Variants in PAX7 observed in about 807,000 individuals in gnomAD.
The protein encoded by PAX7 is paired box 7.
PAX7 carries 18 observed loss-of-function variants against 50.7 expected under a neutral mutation model. The observed-to-expected ratio is 0.36, with a 90% CI of 0.25 to 0.53. The LOEUF (loss-of-function observed/expected upper bound fraction) is 0.53, where lower values mean the gene tolerates loss of function less well. Ranked by LOEUF, PAX7 falls within the 20% of genes least tolerant of loss-of-function variation. PAX7 has a pLI of 0.93. For missense variants in PAX7, 644 were observed against 702.9 expected, an observed-to-expected ratio of 0.92 and a Z score of 0.95; for synonymous variants, 310 against 290.4, an observed-to-expected ratio of 1.07 and a Z score of -0.69.
rs140557396 is a variant in PAX7 at position 18,633,950 on chromosome 1, G to A, written c.86-353G>A. On this transcript the variant is annotated intron_variant, in intron 1 of 8. Transcript: ENST00000420770. Reference sequence around the variant, plus strand: ...TCTCTAAGGCTCTACCAGCCTGGTGGCTCTGTCTGCAGTCTCATCTTCATC... The same window carrying A: ...TCTCTAAGGCTCTACCAGCCTGGTGACTCTGTCTGCAGTCTCATCTTCATC... Among the ~76,000 whole-genome samples, 442 of 152,284 alleles carry A rather than the reference G, an allele frequency of 2.9e-3. 2 individuals carry two copies. The highest frequency in any genetic ancestry group is 0.01 in the African/African-American group (421 of 41,560).
intron 4 of PAX7, among the ~76,000 whole-genome samples, chr1:18,644,002 C>T (rs2088301049): frequency 6.6e-6 from 1 of 152,206 alleles, no homozygotes; most frequent in Admixed American, 6.5e-5. Context: ...GGCTTCACTG[C>T]CCGGAGAGTG....
At chr1:18,733,623 G>A (rs1304116231) in intron 7 of PAX7, among the ~76,000 whole-genome samples, 1 of 152,102 alleles carries the variant, frequency 6.6e-6, no homozygotes, top group Admixed American at 6.5e-5. Flanking sequence ...CTGAGGGCAT[G>A]GGGGAAAGAA....
intron 4 of PAX7, among the ~76,000 whole-genome samples, chr1:18,690,195 GTGAA>G (rs2089046859): frequency 6.6e-6 from 1 of 152,200 alleles, no homozygotes. Flanking sequence ...AGGGGAAGGA[GTGAA>G]TGAGTCAATG....
intron 4 of PAX7, among the ~76,000 whole-genome samples, chr1:18,661,751 G>T (rs909500488): frequency 2.0e-5 from 3 of 152,222 alleles, no homozygotes; most frequent in Admixed American, 1.3e-4. Context: ...AACTGGGCCT[G>T]GCCTTTGAAG....
intron 7 of PAX7, among the ~76,000 whole-genome samples, chr1:18,731,630 C>T (rs954928293): frequency 2.0e-5 from 3 of 152,064 alleles, no homozygotes; most frequent in African/African-American, 7.3e-5. Context: ...GGGTCCTGTC[C>T]CATTAGCTTA....
Position 18,703,255 on chromosome 1 carries a change from T to G in PAX7, c.1114T>G (p.Ser372Ala), listed in dbSNP as rs1483793749. The G allele has an allele frequency of 1.7e-5, 27 of 1,613,998 alleles. No individual in the cohort carries two copies. The highest frequency in any genetic ancestry group is 2.3e-5 in the Non-Finnish European group (27 of 1,180,038). The stretch of plus-strand genomic sequence containing the variant: ...CAGCTTCATGAATCCGGCGGCGCCC[T>G]CCAACCACATGAACCCGGTCAGCAA... ...SDSFMNPAAP[S>A]NHMNPVSNGL... Residue 372 changes from serine to alanine, a missense_variant, in exon 7 of 9, where the codon TCC becomes GCC. Transcript: ENST00000420770.
chr1:18,712,927 C>T (rs186904028), intron 7 of PAX7, among the ~76,000 whole-genome samples: 60 of 152,162 alleles, frequency 3.9e-4, no homozygotes, highest in African/African-American at 1.4e-3. Context: ...ACTAAAAATA[C>T]AAAAATTAAC....
chr1:18,710,798 T>C (rs962157857), intron 7 of PAX7, among the ~76,000 whole-genome samples: 5 of 152,120 alleles, frequency 3.3e-5, no homozygotes, highest in Admixed American at 6.5e-5. Context: ...TCAAAGCAGA[T>C]TGGGGACATC....
intron 4 of PAX7, among the ~76,000 whole-genome samples, chr1:18,676,486 G>A (rs961104409): frequency 6.6e-6 from 1 of 151,196 alleles, no homozygotes; most frequent in African/African-American, 2.4e-5. Context: ...GCCCATGAGT[G>A]GCTGGGGGAG....
chr1:18,682,287 T>C (rs573837065), intron 4 of PAX7, among the ~76,000 whole-genome samples: 1 of 152,210 alleles, frequency 6.6e-6, no homozygotes, highest in East Asian at 1.9e-4. Flanking sequence ...CAATGCTTCC[T>C]AGCCCCCAGG....
chr1:18,727,998 T>C (rs755235695), intron 7 of PAX7, among the ~76,000 whole-genome samples: 62 of 149,294 alleles, frequency 4.2e-4, no homozygotes, highest in African/African-American at 1.5e-3. Flanking sequence ...ATCCTCTTAG[T>C]GGAGTATTGA....
In PAX7 at chr1:18,735,284, G is replaced by A. The variant is rs573072693; in HGVS notation, c.1156-348G>A. Among the ~76,000 whole-genome samples the A allele has an allele frequency of 1.1e-4, 16 of 152,310 alleles. No homozygotes were observed. In the South Asian group the frequency reaches 3.3e-3, roughly 32 times the overall value. On this transcript the variant is annotated intron_variant, in intron 7 of 8. Coordinates refer to ENST00000420770, the MANE Select transcript of PAX7 (RefSeq NM_001135254.2). This position sits in a 1 kb window ranked among gnomAD's most constrained non-coding sequence, Gnocchi z 4.0. The stretch of plus-strand genomic sequence containing the variant: ...TGGGAGAGGCCTCATTAGCCAGTTC[G>A]TTCATTCATGCATTCATTCATGCAT...
chr1:18,648,984 G>A (rs1045125682), intron 4 of PAX7, among the ~76,000 whole-genome samples: 4 of 152,144 alleles, frequency 2.6e-5, no homozygotes, highest in African/African-American at 7.2e-5. Context: ...CCAGACTCCC[G>A]CCACTGATGC....
chr1:18,717,657 G>A (rs1201739926), intron 7 of PAX7, among the ~76,000 whole-genome samples: 1 of 152,190 alleles, frequency 6.6e-6, no homozygotes, highest in Non-Finnish European at 1.5e-5. Flanking sequence ...TCTAATGCAA[G>A]GACCCTAGGC....
At chr1:18,641,662 C>T (rs1222427010) in intron 4 of PAX7, among the ~76,000 whole-genome samples, 1 of 152,116 alleles carries the variant, frequency 6.6e-6, no homozygotes, top group Non-Finnish European at 1.5e-5. Flanking sequence ...TTGAAATAAG[C>T]CTGGCTAAGA....
chr1:18,716,434 C>T (rs1350105533), intron 7 of PAX7, among the ~76,000 whole-genome samples: 1 of 152,138 alleles, frequency 6.6e-6, no homozygotes, highest in African/African-American at 2.4e-5. Context: ...GCCTCCCTGT[C>T]CCCTGCCACA....
intron 8 of PAX7, among the ~76,000 whole-genome samples, chr1:18,737,107 C>G (rs1930750456): frequency 6.6e-6 from 1 of 152,284 alleles, no homozygotes; most frequent in East Asian, 1.9e-4. Context: ...CTGGACACAG[C>G]CTCCACCGCC....
chr1:18,721,380 G>C (rs760313529), intron 7 of PAX7, among the ~76,000 whole-genome samples: 1 of 152,192 alleles, frequency 6.6e-6, no homozygotes, highest in Non-Finnish European at 1.5e-5. Flanking sequence ...AGGTGGCGGT[G>C]GGTGTGCAGC....
In PAX7 at chr1:18,745,258, T is replaced by C. The variant is rs1010113; in HGVS notation, c.*329T>C. On this transcript the variant is annotated 3_prime_UTR_variant, in exon 9 of 9. Transcript: ENST00000420770. ...GGGCCCACCTTGAACACCTTGGGTG[T>C]CCAGAGGAGGATGGTGCCTGAGAGG... The C allele has an allele frequency of 0.65, 233,354 of 361,388 alleles. 76,862 individuals are homozygous for C. The highest frequency in any genetic ancestry group is 0.82 in the African/African-American group (39,973 of 48,900). 22.4% of individuals were successfully genotyped at this position (361,388 alleles called of 1,614,324 possible).
Sources: gnomAD v4.1 joint callset for allele counts (sites outside exome capture counted in the v4.1 genomes callset) on GRCh38, gnomAD v4.1.1 for gene constraint, Gnocchi (gnomAD v3.1) non-coding constraint, MANE v1.5 for transcripts, NCBI Gene and HGNC (gene_info 2026-07-23, HGNC 2026-07-21) for gene names.